DYNC2H1: variants seen among roughly 807,000 people sequenced by gnomAD.
DYNC2H1 encodes the protein cytoplasmic dynein 2 heavy chain 1.
DYNC2H1 carries 410 observed loss-of-function variants against 570.0 expected under a neutral mutation model. The ratio of observed to expected loss-of-function variants is 0.72; its 90% confidence interval spans 0.66 to 0.78. The LOEUF is 0.78. DYNC2H1 is among the 30% of genes least tolerant of loss of function. DYNC2H1 has a pLI of 0.00. For synonymous variants in DYNC2H1, 1,688 were observed against 1,677.6 expected, an observed-to-expected ratio of 1.01 and a Z score of -0.15; for missense variants, 4,865 against 5,046.4, an observed-to-expected ratio of 0.96 and a Z score of 1.09.
chr11:103,180,919 C>T (rs1400454636), intron 39 of DYNC2H1, among the ~76,000 whole-genome samples: 30 of 151,414 alleles, frequency 2.0e-4, no homozygotes, highest in Admixed American at 2.0e-3. Flanking sequence ...AGATTCAAGG[C>T]ATCAGTGTCA....
At chr11:103,401,425 G>A (rs1420663813) in intron 84 of DYNC2H1, among the ~76,000 whole-genome samples, 3 of 152,222 alleles carry the variant, frequency 2.0e-5, no homozygotes, top group South Asian at 2.1e-4. Context: ...CTAGTAGGAC[G>A]GGTACACAAT....
At chr11:103,155,635 A>G (rs924064122) in intron 25 of DYNC2H1, 134 bp downstream of exon 25, 3 of 860,256 alleles carry the variant, frequency 3.5e-6, no homozygotes, top group Non-Finnish European at 5.0e-6. Flanking sequence ...AACAAACACA[A>G]ATCATTTTAC....
In DYNC2H1 at chr11:103,324,118, C is replaced by G. The variant is rs1030731274; in HGVS notation, c.12039+128C>G. The G allele has an allele frequency of 5.3e-5, 23 of 435,236 alleles. No homozygotes were observed. The highest frequency in any genetic ancestry group is 7.6e-6 in the Non-Finnish European group (2 of 261,572). The allele number at this position is 435,236 out of a possible 1,614,324, so 27.0% of individuals were successfully genotyped here. A position where few individuals can be genotyped will look rare whatever the true frequency, so the allele number is the denominator to read the frequency against. On this transcript the variant is annotated intron_variant, in intron 82 of 88. Transcript: ENST00000375735. This position sits in a 1 kb window ranked among gnomAD's most constrained non-coding sequence, Gnocchi z 5.2. The stretch of plus-strand genomic sequence containing the variant: ...AAACATTTTATTTTCACAACACATT[C>G]CAGTTTTACTTTAAATATATTTTTT...
At position 103,268,476 on chromosome 11, in the gene DYNC2H1, G is replaced by A. The variant is rs1410545324; in HGVS notation, c.10695+8499G>A. On this transcript the variant is annotated intron_variant, in intron 70 of 88. Coordinates refer to ENST00000375735, the MANE Select transcript of DYNC2H1 (RefSeq NM_001377.3). The surrounding 1 kb of genome is among the most constrained non-coding windows in gnomAD (Gnocchi z 4.6). ...TGGATTTACTTAATTTATACTTCTAGGTTGTTAGATTTGTATGAGTAGTTT... is the reference window on the plus strand; with the variant it reads ...TGGATTTACTTAATTTATACTTCTAAGTTGTTAGATTTGTATGAGTAGTTT... Among the ~76,000 whole-genome samples, 1 of 151,648 alleles carries A rather than the reference G, an allele frequency of 6.6e-6. No homozygotes were observed. The highest frequency in any genetic ancestry group is 1.5e-5 in the Non-Finnish European group (1 of 67,816).
rs373895011 is a variant in DYNC2H1, at chr11:103,117,776, G to A, written c.912G>A (p.Gln304=). The change falls in exon 6 of 89, where the codon CAG becomes CAA. Residue 304 remains glutamine (Q), a synonymous_variant. Transcript: ENST00000375735. ...WVIVCNHLTG[Q]VWQRYVPHPW... ...TAGTCTGTAATCATCTAACAGGTCA[G>A]GTGTGGCAGCGCTATGTTCCTCATC... 3 of 1,613,254 alleles carry A rather than the reference G, an allele frequency of 1.9e-6. No individual in the cohort carries two copies. The highest frequency in any genetic ancestry group is 2.5e-6 in the Non-Finnish European group (3 of 1,179,500).
At chr11:103,295,153 T>C (rs536129325) in intron 75 of DYNC2H1, among the ~76,000 whole-genome samples, 2 of 152,252 alleles carry the variant, frequency 1.3e-5, no homozygotes, top group South Asian at 2.1e-4. Flanking sequence ...TCAGATTTAT[T>C]TGGGCCCTCA....
intron 82 of DYNC2H1, among the ~76,000 whole-genome samples, chr11:103,336,395 A>T (rs779649016): frequency 1.3e-5 from 2 of 152,058 alleles, no homozygotes; most frequent in African/African-American, 4.8e-5. Context: ...TATTACTACT[A>T]TCTAACTGTA....
chr11:103,380,359 C>T (rs1053561975), intron 83 of DYNC2H1, among the ~76,000 whole-genome samples: 1 of 152,008 alleles, frequency 6.6e-6, no homozygotes, highest in Non-Finnish European at 1.5e-5. Context: ...TATTAAATAT[C>T]TATTGAGGAA....
chr11:103,142,412 G>A (rs1016953561), intron 17 of DYNC2H1, among the ~76,000 whole-genome samples: 5 of 152,202 alleles, frequency 3.3e-5, no homozygotes, highest in Admixed American at 1.3e-4. Flanking sequence ...GCTCATGCCT[G>A]TAATCCTGGC....
chr11:103,199,601 G>T lies in DYNC2H1; in HGVS notation c.8088+125G>T. The stretch of plus-strand genomic sequence containing the variant: ...TAAAGAACATCTTTAAAGAACTAAA[G>T]TTCTCTGTTATACAATGTAGTCTTT... On this transcript the variant is annotated intron_variant, in intron 49 of 88. Transcript: ENST00000375735. The surrounding 1 kb of genome is among the most constrained non-coding windows in gnomAD (Gnocchi z 4.6). 1 of 919,664 alleles carries T rather than the reference G, an allele frequency of 1.1e-6. No individual in the cohort carries two copies. Among genetic ancestry groups the T allele is most frequent in the Non-Finnish European group, 1.5e-6 (1 of 668,226 alleles). 57.0% of individuals were successfully genotyped at this position (919,664 alleles called of 1,614,324 possible).
Position 103,363,650 on chromosome 11 carries a change from T to C in DYNC2H1, c.12156+5291T>C, listed in dbSNP as rs1940764331. Among the ~76,000 whole-genome samples, 1 of 152,180 alleles carries C rather than the reference T, an allele frequency of 6.6e-6. No individual in the cohort carries two copies. Among genetic ancestry groups the C allele is most frequent in the African/African-American group, 2.4e-5 (1 of 41,444 alleles). ...GGATCATTAGGAAAAACTACCATCATGTTGAAACTGGAATATGGAGATCCT... is the reference window on the plus strand; with the variant it reads ...GGATCATTAGGAAAAACTACCATCACGTTGAAACTGGAATATGGAGATCCT... On this transcript the variant is annotated intron_variant, in intron 83 of 88. Transcript: ENST00000375735. This position sits in a 1 kb window ranked among gnomAD's most constrained non-coding sequence, Gnocchi z 5.6.
intron 83 of DYNC2H1, among the ~76,000 whole-genome samples, chr11:103,361,837 G>C (rs1424835893): frequency 6.6e-6 from 1 of 152,168 alleles, no homozygotes; most frequent in Non-Finnish European, 1.5e-5. Flanking sequence ...GAAACCTTGA[G>C]GAATCTTTAG....
At chr11:103,405,666 A>T (rs1942834669) in intron 84 of DYNC2H1, 1 of 152,000 alleles carries the variant, frequency 6.6e-6, no homozygotes, top group African/African-American at 2.4e-5. Flanking sequence ...GGGTTGTAAC[A>T]ATAACATTAT....
At chr11:103,178,628 C>A (rs1364339942) in intron 38 of DYNC2H1, among the ~76,000 whole-genome samples, 2 of 151,928 alleles carry the variant, frequency 1.3e-5, no homozygotes, top group Non-Finnish European at 2.9e-5. Context: ...TTTTATATGT[C>A]AAGAAAATTT....
chr11:103,141,418 A>G lies in DYNC2H1; in HGVS notation c.2575-1850A>G, dbSNP rs199719238. 5.3e-4 allele frequency among the ~76,000 whole-genome samples: 81 copies of G among 152,138 alleles called. 2 individuals carry two copies. The East Asian group carries it at 0.011, about 21-fold the overall frequency. Reference sequence around the variant, plus strand: ...CTTTCTGTTTGTTAGTTTTCCTTCTACCAGACAGGACCCTCAACTGTAGGT... The same window carrying G: ...CTTTCTGTTTGTTAGTTTTCCTTCTGCCAGACAGGACCCTCAACTGTAGGT... On this transcript the variant is annotated intron_variant, in intron 17 of 88. Coordinates refer to ENST00000375735, the MANE Select transcript of DYNC2H1 (RefSeq NM_001377.3).
intron 63 of DYNC2H1, among the ~76,000 whole-genome samples, chr11:103,240,454 C>T (rs1004578145): frequency 6.6e-6 from 1 of 152,018 alleles, no homozygotes; most frequent in Non-Finnish European, 1.5e-5. Flanking sequence ...ATTTTTCTTC[C>T]TCTCTCACTG....
chr11:103,188,411 T>C (rs562283840), intron 43 of DYNC2H1, 86 bp from the exon 44 acceptor site: 1 of 1,018,320 alleles, frequency 9.8e-7, no homozygotes, highest in East Asian at 2.6e-5. Flanking sequence ...CATTTAGAAA[T>C]AATTGAAACT....
At position 103,334,616 on chromosome 11, in the gene DYNC2H1, A is replaced by G. The variant is rs1248081060; in HGVS notation, c.12039+10626A>G. Among the ~76,000 whole-genome samples, 5 of 152,134 alleles carry G rather than the reference A, an allele frequency of 3.3e-5. No individual in the cohort carries two copies. Among genetic ancestry groups the G allele is most frequent in the African/African-American group, 1.2e-4 (5 of 41,454 alleles). ...AATATGTAACATCAATATAAATAAC[A>G]TATAAATACGTGTCTTAAATTTGAA... On this transcript the variant is annotated intron_variant, in intron 82 of 88. Coordinates refer to ENST00000375735, the MANE Select transcript of DYNC2H1 (RefSeq NM_001377.3). The surrounding 1 kb of genome is among the most constrained non-coding windows in gnomAD (Gnocchi z 4.3).
In DYNC2H1 at chr11:103,172,915, G is replaced by A. The variant is rs561309915; in HGVS notation, c.5335-167G>A. ...TAAGGAGATGGTTAGTACATTGGAG[G>A]TTACCTTTACCTAAGGTATAAGATT... is the stretch of plus-strand genomic sequence containing the variant. On this transcript the variant is annotated intron_variant, in intron 34 of 88. Coordinates refer to ENST00000375735, the MANE Select transcript of DYNC2H1 (RefSeq NM_001377.3). Among the ~76,000 whole-genome samples, 28 of 151,916 alleles carry A rather than the reference G, an allele frequency of 1.8e-4. No individual in the cohort carries two copies. The Middle Eastern group carries it at 0.017, about 93-fold the overall frequency.
Sources: gnomAD v4.1 joint callset for allele counts (sites outside exome capture counted in the v4.1 genomes callset) on GRCh38, gnomAD v4.1.1 for gene constraint, Gnocchi (gnomAD v3.1) non-coding constraint, MANE v1.5 for transcripts, NCBI Gene and HGNC (gene_info 2026-07-23, HGNC 2026-07-21) for gene names.